The following ZNF285 variants were observed in gnomAD, a reference collection of about 807,000 sequenced individuals.
ZNF285 encodes zinc finger protein 285A.
ZNF285 carries 4 observed loss-of-function variants against 6.2 expected under a neutral mutation model. That is an observed-to-expected ratio of 0.65 (90% CI 0.32 to 1.49). The LOEUF is 1.49. ZNF285 is among the 40% of genes most tolerant of loss of function. The pLI, the probability that ZNF285 is intolerant of heterozygous loss-of-function variation, is 0.07. For missense variants in ZNF285, 695 were observed against 708.8 expected (o/e 0.98, Z 0.22); for synonymous variants, 240 against 245.8 (o/e 0.98, Z 0.22).
At chr19:44,398,897 A>G (rs1971329179) in intron 1 of ZNF285, among the ~76,000 whole-genome samples, 1 of 152,122 alleles carries the variant, frequency 6.6e-6, no homozygotes, top group Non-Finnish European at 1.5e-5. Flanking sequence ...GTGATAAAGG[A>G]CTAGTTTTTA....
At chr19:44,398,650 A>G (rs779233376) in intron 1 of ZNF285, among the ~76,000 whole-genome samples, 9 of 152,262 alleles carry the variant, frequency 5.9e-5, no homozygotes, top group South Asian at 2.1e-4. Context: ...GCCTGCCTAC[A>G]ACTTTATAGA....
intron 3 of ZNF285, among the ~76,000 whole-genome samples, chr19:44,388,580 C>T (rs909026188): frequency 2.6e-5 from 4 of 151,732 alleles, no homozygotes; most frequent in Admixed American, 6.6e-5. Context: ...ACCCCCACAC[C>T]GCAAAAAGGA....
intron 2 of ZNF285, chr19:44,394,406 T>C (rs1725100964): frequency 4.9e-6 from 2 of 406,712 alleles, no homozygotes; most frequent in Non-Finnish European, 4.1e-6. Context: ...AAACTTAAAG[T>C]ATAATAAAAA....
chr19:44,392,872 G>T (rs1971220994), intron 2 of ZNF285, among the ~76,000 whole-genome samples: 1 of 152,098 alleles, frequency 6.6e-6, no homozygotes, highest in Non-Finnish European at 1.5e-5. Flanking sequence ...AGCATTTCAT[G>T]AGTTCATTTC....
chr19:44,387,028 C>A lies in ZNF285; in HGVS notation c.1217G>T (p.Gly406Val). ...AACGGAGCTTGAACTAAAGCACTTGCCACACTCACTGCATTTGTAGGGCTT... is the reference window on the plus strand; with the variant it reads ...AACGGAGCTTGAACTAAAGCACTTGACACACTCACTGCATTTGTAGGGCTT... ...GEKPYKCSEC[G>V]KCFSSSSVLQ... Residue 406 changes from glycine to valine, a missense_variant, in exon 4 of 4, where the codon GGC (glycine) becomes GTC (valine). Coordinates refer to ENST00000614994, the MANE Select transcript of ZNF285 (RefSeq NM_152354.6). The A allele has an allele frequency of 6.2e-7, 1 of 1,614,142 alleles. No individual in the cohort carries two copies. The highest frequency in any genetic ancestry group is 8.5e-7 in the Non-Finnish European group (1 of 1,180,026).
rs187757032 is a variant in ZNF285 at position 44,387,592 on chromosome 19, G to A, written c.653C>T (p.Thr218Met). The A allele has an allele frequency of 2.9e-5, 46 of 1,613,858 alleles. No individual in the cohort carries two copies. The highest frequency in any genetic ancestry group is 1.1e-4 in the African/African-American group (8 of 75,010). The change falls in exon 4 of 4, where the codon ACG becomes ATG. Residue 218 changes from threonine to methionine, a missense_variant. Coordinates refer to ENST00000614994, the MANE Select transcript of ZNF285 (RefSeq NM_152354.6). ...ATGGGCCGCATTACGTTTTTCAACC[G>A]TTGATTTCATACCCAAGTTTTTCCC... ...SCGKNLGMKS[T>M]VEKRNAAHVL...
chr19:44,387,867 T>G lies in ZNF285; in HGVS notation c.378A>C (p.Val126=). The change falls in exon 4 of 4, where the codon GTA becomes GTC. Residue 126 remains valine (V), a synonymous_variant. Transcript: ENST00000614994. ...LQISENENYV[V]NAIIKNQDIT... is the part of the protein sequence containing the mutation. Reference sequence around the variant, plus strand: ...TATCTTGATTTTTGATAATGGCATTTACTACATAGTTTTCATTTTCAGAAA... The same window carrying G: ...TATCTTGATTTTTGATAATGGCATTGACTACATAGTTTTCATTTTCAGAAA... 1 of 1,613,976 alleles carries G rather than the reference T, an allele frequency of 6.2e-7. No homozygotes were observed. Among genetic ancestry groups the G allele is most frequent in the South Asian group, 1.1e-5 (1 of 91,076 alleles).
intron 1 of ZNF285, among the ~76,000 whole-genome samples, chr19:44,400,334 C>A (rs1024887438): frequency 6.6e-6 from 1 of 150,986 alleles, no homozygotes. Context: ...GCAGCTGAAT[C>A]TGGAACTGCA....
chr19:44,400,774 G>A (rs548549084), intron 1 of ZNF285, among the ~76,000 whole-genome samples: 1 of 152,066 alleles, frequency 6.6e-6, no homozygotes, highest in South Asian at 2.1e-4. Flanking sequence ...GTAGAGACGG[G>A]GTTTCACCGT....
intron 3 of ZNF285, among the ~76,000 whole-genome samples, chr19:44,390,510 T>C (rs1378025829): frequency 6.6e-6 from 1 of 152,142 alleles, no homozygotes; most frequent in Admixed American, 6.5e-5. Context: ...AGGAAGTAAA[T>C]AACTTGTTTT....
intron 2 of ZNF285, among the ~76,000 whole-genome samples, chr19:44,396,203 T>A (rs1971277598): frequency 2.6e-5 from 4 of 152,122 alleles, no homozygotes; most frequent in Middle Eastern, 3.4e-3. Flanking sequence ...TTCAAATACT[T>A]TGGGAAAGAA....
Position 44,389,853 on chromosome 19 carries a change from C to A in ZNF285, c.143-1751G>T, listed in dbSNP as rs540993815. The stretch of plus-strand genomic sequence containing the variant: ...GGATATGCAGATTTATGCAAAAGGT[C>A]CTGTGTCTACAGTTTACACTTTGGT... On this transcript the variant is annotated intron_variant, in intron 3 of 3. Transcript: ENST00000614994. 4.7e-4 allele frequency among the ~76,000 whole-genome samples: 72 copies of A among 152,174 alleles called. 1 individual carries two copies. Among genetic ancestry groups the A allele is most frequent in the African/African-American group, 1.7e-3 (71 of 41,490 alleles).
chr19:44,394,025 G>A (rs12973212), intron 2 of ZNF285, among the ~76,000 whole-genome samples: 49,714 of 151,882 alleles, frequency 0.33, 11,519 homozygotes, highest in East Asian at 0.75. Context: ...GTCCAACAAC[G>A]ATAGACTGGA....
At chr19:44,389,524 A>T (rs993743496) in intron 3 of ZNF285, among the ~76,000 whole-genome samples, 4 of 152,214 alleles carry the variant, frequency 2.6e-5, no homozygotes, top group African/African-American at 9.7e-5. Flanking sequence ...ATCAACAGAG[A>T]CTGCTCACTA....
At chr19:44,398,809 G>A (rs1268402883) in intron 1 of ZNF285, among the ~76,000 whole-genome samples, 1 of 152,034 alleles carries the variant, frequency 6.6e-6, no homozygotes, top group African/African-American at 2.4e-5. Context: ...TTTAAGCACT[G>A]TGGAAACACC....
At chr19:44,400,108 C>T (rs1568391078) in intron 1 of ZNF285, among the ~76,000 whole-genome samples, 1 of 150,494 alleles carries the variant, frequency 6.6e-6, no homozygotes, top group Non-Finnish European at 1.5e-5. Flanking sequence ...TCAGGGCAGA[C>T]AGCAGGGTGG....
intron 3 of ZNF285, among the ~76,000 whole-genome samples, chr19:44,391,270 A>C (rs1442164892): frequency 5.9e-5 from 9 of 151,962 alleles, no homozygotes; most frequent in Non-Finnish European, 8.8e-5. Context: ...GTGGAACTGT[A>C]AGTCCAGTAC....
intron 2 of ZNF285, chr19:44,394,584 T>A: frequency 1.7e-6 from 1 of 572,550 alleles, no homozygotes; most frequent in Admixed American, 3.3e-5. Context: ...TTTAAAAAAT[T>A]AAAAAAACCA....
At position 44,382,612 on chromosome 19, in the gene ZNF285, T is replaced by G. The variant is rs780164704; in HGVS notation, c.*3860A>C. 1.3e-5 allele frequency: 2 copies of G among 152,252 alleles called. No individual in the cohort carries two copies. Among genetic ancestry groups the G allele is most frequent in the Non-Finnish European group, 2.9e-5 (2 of 68,124 alleles). 9.4% of individuals were successfully genotyped at this position (152,252 alleles called of 1,614,324 possible). ...AGGGAAAACATGTAAGCTAAGGGTC[T>G]GGAAGAGAAGGCACAGGACCACAAT... On this transcript the variant is annotated 3_prime_UTR_variant, in exon 4 of 4. Transcript: ENST00000614994.
Sources: gnomAD v4.1 joint callset for allele counts (sites outside exome capture counted in the v4.1 genomes callset) on GRCh38, gnomAD v4.1.1 for gene constraint, MANE v1.5 for transcripts, NCBI Gene and HGNC (gene_info 2026-07-23, HGNC 2026-07-21) for gene names.